The following TKTL1 variants were observed in gnomAD, a reference collection of about 807,000 sequenced individuals.
TKTL1 encodes the protein transketolase-like protein 1.
A neutral mutation model predicts 39.3 loss-of-function variants in TKTL1; 1 was observed. The ratio of observed to expected loss-of-function variants is 0.03; its 90% CI spans 0.01 to 0.12. TKTL1 has a LOEUF of 0.12. TKTL1 is among the 10% of genes least tolerant of loss of function. The pLI is 1.00. For missense variants in TKTL1, 575 were observed against 509.6 expected (o/e 1.13, Z -1.24); for synonymous variants, 262 against 193.8 (o/e 1.35, Z -2.92).
chrX:154,310,790 C>T (rs1557168151), intron 3 of TKTL1, 46 bp from the exon 4 acceptor site: 5 of 1,112,293 alleles, frequency 4.5e-6, no homozygotes, highest in Non-Finnish European at 6.1e-6. Flanking sequence ...TTGGTTGGCC[C>T]AGATGATCCC....
intron 10 of TKTL1, among the ~76,000 whole-genome samples, chrX:154,326,407 A>T (rs1325611499): frequency 1.8e-5 from 2 of 112,453 alleles, no homozygotes; most frequent in Non-Finnish European, 3.8e-5. Flanking sequence ...CTAGGCATAC[A>T]TGTATATTTT....
chrX:154,316,081 A>T (rs886986663), intron 7 of TKTL1, among the ~76,000 whole-genome samples: 40 of 111,684 alleles, frequency 3.6e-4, no homozygotes, highest in Admixed American at 5.7e-4. Flanking sequence ...TAGTATTTTT[A>T]AAAAAAATTT....
In TKTL1 at chrX:154,296,371, G is replaced by A. The variant is rs1378161077; in HGVS notation, c.134+378G>A. Among the ~76,000 whole-genome samples the A allele has an allele frequency of 7.2e-5, 8 of 111,364 alleles. No individual in the cohort carries two copies. In the East Asian group the frequency reaches 2.2e-3, roughly 31 times the overall value. ...CTAGCTGTGGTTTTCATTTTAGCGG[G>A]GAGCAGGGCTTCCCTGGTAAGCAGT... is the stretch of plus-strand genomic sequence containing the variant. On this transcript the variant is annotated intron_variant, in intron 1 of 12. Coordinates refer to ENST00000369915, the MANE Select transcript of TKTL1 (RefSeq NM_012253.4).
intron 1 of TKTL1, among the ~76,000 whole-genome samples, chrX:154,298,691 C>G (rs1557165197): frequency 1.2e-5 from 1 of 81,444 alleles, no homozygotes; most frequent in Non-Finnish European, 2.1e-5. Flanking sequence ...GAGACCCTGT[C>G]TCAAAAAGAA....
chrX:154,328,544 TCAAAAAAAAAAAAAAAAAAAAAAA>T (rs1395976897), intron 12 of TKTL1, among the ~76,000 whole-genome samples: 2 of 17,522 alleles, frequency 1.1e-4, no homozygotes, highest in African/African-American at 3.4e-4. Context: ...AGACTCTGCC[TCAAAAAAAAAAAAAAAAAAAAAAA>T]AAAAAAAAAA....
rs1474870214 is a variant in TKTL1, at chrX:154,305,345, T to C, written c.176T>C (p.Val59Ala). The C allele has an allele frequency of 8.3e-7, 1 of 1,209,120 alleles. No individual in the cohort carries two copies. Among genetic ancestry groups the C allele is most frequent in the African/African-American group, 1.8e-5 (1 of 57,140 alleles). Residue 59 changes from valine (V) to alanine (A), a missense_variant, in exon 2 of 13, where the codon GTG becomes GCG. Physicochemically the swap from Val to Ala is moderately conservative, Grantham distance 64. Coordinates refer to ENST00000369915, the MANE Select transcript of TKTL1 (RefSeq NM_012253.4). Reference sequence around the variant, plus strand: ...AGCAGTTCTTCTGAGATCATGTCTGTGCTGTTCTTCTACATCATGAGGTAC... The same window carrying C: ...AGCAGTTCTTCTGAGATCATGTCTGCGCTGTTCTTCTACATCATGAGGTAC... Reference protein sequence around the residue: ...SCSSSSEIMSVLFFYIMRYKQ... With the variant: ...SCSSSSEIMSALFFYIMRYKQ...
At chrX:154,297,412 C>T (rs1557164869) in intron 1 of TKTL1, among the ~76,000 whole-genome samples, 4 of 110,698 alleles carry the variant, frequency 3.6e-5, no homozygotes, top group Non-Finnish European at 5.7e-5. Context: ...CCCGCCACCA[C>T]GCCTGGCTAA....
intron 6 of TKTL1, 89 bp downstream of exon 6, chrX:154,312,862 TTA>T: frequency 4.4e-6 from 4 of 913,251 alleles, no homozygotes; most frequent in Non-Finnish European, 6.0e-6. Context: ...GATTCTTCAT[TTA>T]TTCTGGTCTC....
intron 6 of TKTL1, among the ~76,000 whole-genome samples, chrX:154,313,384 C>T (rs1484643516): frequency 8.9e-6 from 1 of 111,737 alleles, no homozygotes; most frequent in African/African-American, 3.3e-5. Context: ...AGTATCAAGT[C>T]CTTTTGGTTT....
chrX:154,323,873 G>A (rs2067472389), intron 9 of TKTL1, among the ~76,000 whole-genome samples: 1 of 112,646 alleles, frequency 8.9e-6, no homozygotes, highest in Admixed American at 9.3e-5. Context: ...CAGATGGACA[G>A]AATCAAATTC....
At position 154,295,932 on chromosome X, in the gene TKTL1, C is replaced by G; in HGVS notation, c.73C>G (p.Gln25Glu). Residue 25 changes from glutamine to glutamate, a missense_variant, in exon 1 of 13, where the codon CAA (glutamine) becomes GAA (glutamate). Coordinates refer to ENST00000369915, the MANE Select transcript of TKTL1 (RefSeq NM_012253.4). ...RPDRGTLQVL[Q>E]DMASRLRIHS... is the part of the protein sequence containing the mutation. ...TGACAGGGGCACCTTGCAGGTGTTG[C>G]AAGATATGGCCAGCCGCTTGCGAAT... is the stretch of plus-strand genomic sequence containing the variant. 8.3e-7 allele frequency: 1 copy of G among 1,211,807 alleles called. No individual in the cohort carries two copies. Among genetic ancestry groups the G allele is most frequent in the East Asian group, 3.0e-5 (1 of 33,830 alleles).
chrX:154,318,611 G>C (rs1021065375), intron 7 of TKTL1, among the ~76,000 whole-genome samples: 1 of 107,202 alleles, frequency 9.3e-6, no homozygotes, highest in Admixed American at 1.0e-4. Flanking sequence ...GGGAGGCTGA[G>C]GCAGGAGAAT....
chrX:154,322,866 T>C (rs374981150), intron 8 of TKTL1, among the ~76,000 whole-genome samples: 68 of 111,792 alleles, frequency 6.1e-4, no homozygotes, highest in African/African-American at 2.0e-3. Context: ...CCTGAGGACC[T>C]TCCTAAAGAG....
chrX:154,299,149 C>CTTT (rs1180562974), intron 1 of TKTL1, among the ~76,000 whole-genome samples: 90 of 35,733 alleles, frequency 2.5e-3, no homozygotes, highest in Non-Finnish European at 2.9e-3. Flanking sequence ...CTTTTTCTTT[C>CTTT]TTTTTTTTTT....
chrX:154,325,637 C>T (rs781929021), intron 10 of TKTL1, among the ~76,000 whole-genome samples: 11 of 112,353 alleles, frequency 9.8e-5, no homozygotes, highest in African/African-American at 1.9e-4. Context: ...CAAATGGAGT[C>T]TTTTGTTGTT....
chrX:154,309,892 G>T lies in TKTL1; in HGVS notation c.350+450G>T, dbSNP rs1371665606. Among the ~76,000 whole-genome samples, 4 of 109,374 alleles carry T rather than the reference G, an allele frequency of 3.7e-5. No individual in the cohort carries two copies. In the East Asian group the frequency reaches 8.8e-4, roughly 24 times the overall value. The allele number at this position is 109,374 out of a possible 115,157, so 95.0% of individuals were successfully genotyped here. On this transcript the variant is annotated intron_variant, in intron 3 of 12. Coordinates refer to ENST00000369915, the MANE Select transcript of TKTL1 (RefSeq NM_012253.4). ...TGGGATTACAGGCATGCACCACCAT[G>T]CCCAGCTAATTTTTGTATTTTTGGT...
In TKTL1 at chrX:154,320,765, G is replaced by A. The variant is rs188159260; in HGVS notation, c.1038G>A (p.Val346=). Residue 346 remains valine, a synonymous_variant, in exon 8 of 13, where the codon GTG becomes GTA. Coordinates refer to ENST00000369915, the MANE Select transcript of TKTL1 (RefSeq NM_012253.4). The part of the protein sequence containing the change: ...CFMAEQNMVS[V]ALGCASRGRT... ...TGTTCTCTGTGCTGCAGGTGAGCGT[G>A]GCTCTGGGCTGTGCCTCCCGTGGAC... 1.6e-5 allele frequency: 19 copies of A among 1,209,823 alleles called. No homozygotes were observed. In the East Asian group the frequency reaches 3.3e-4, roughly 21 times the overall value.
chrX:154,310,793 A>G, intron 3 of TKTL1, 43 bp from the exon 4 acceptor site: 1 of 1,125,493 alleles, frequency 8.9e-7, no homozygotes, highest in Non-Finnish European at 1.2e-6. Context: ...GTTGGCCCAG[A>G]TGATCCCCCA....
At position 154,320,923 on chromosome X, in the gene TKTL1, C is replaced by A. The variant is rs373329099; in HGVS notation, c.1186+10C>A. The A allele has an allele frequency of 1.7e-6, 2 of 1,206,028 alleles. No individual in the cohort carries two copies. Among genetic ancestry groups the A allele is most frequent in the African/African-American group, 3.5e-5 (2 of 57,072 alleles). On this transcript the variant is annotated intron_variant, in intron 8 of 12. Coordinates refer to ENST00000369915, the MANE Select transcript of TKTL1 (RefSeq NM_012253.4). The stretch of plus-strand genomic sequence containing the variant: ...TGTGGGGTATCTGTTGGTAAGGGTT[C>A]TAAATGCCATCATCTTGGTAGCCTT...
Sources: allele counts gnomAD v4.1 joint callset (sites outside exome capture counted in the v4.1 genomes callset), GRCh38; gene constraint gnomAD v4.1.1; transcripts MANE v1.5; gene names NCBI Gene and HGNC (gene_info 2026-07-23, HGNC 2026-07-21).